Variants in HDLBP observed in about 807,000 individuals in gnomAD.
HDLBP encodes the protein vigilin.
A neutral mutation model predicts 137.3 loss-of-function variants in HDLBP; 30 were observed. The ratio of observed to expected loss-of-function variants is 0.22; its 90% CI spans 0.16 to 0.30. HDLBP has a LOEUF of 0.30. HDLBP is among the 10% of genes least tolerant of loss of function. The probability of loss-of-function intolerance (pLI) is 1.00; values close to 1 mark genes in which losing one functional copy is unlikely to be tolerated. For missense variants in HDLBP, 1,119 were observed against 1,667.3 expected (o/e 0.67, Z 5.73); for synonymous variants, 606 against 596.0 (o/e 1.02, Z -0.24).
intron 1 of HDLBP, among the ~76,000 whole-genome samples, chr2:241,293,490 TAG>T (rs1251015888): frequency 6.6e-6 from 1 of 151,650 alleles, no homozygotes; most frequent in Non-Finnish European, 1.5e-5. Context: ...CACGTGCCTG[TAG>T]TCCCAGCTAC....
At chr2:241,264,151 C>A (rs530477171) in intron 4 of HDLBP, among the ~76,000 whole-genome samples, 1 of 151,974 alleles carries the variant, frequency 6.6e-6, no homozygotes, top group East Asian at 1.9e-4. Context: ...ATCACGAGGT[C>A]AGGAGATGGA....
At chr2:241,271,606 A>G (rs1186314244) in intron 1 of HDLBP, among the ~76,000 whole-genome samples, 1 of 152,222 alleles carries the variant, frequency 6.6e-6, no homozygotes, top group Non-Finnish European at 1.5e-5. Flanking sequence ...CCAACTACAT[A>G]TTCAAGGGGC....
At chr2:241,250,779 G>A (rs2072076895) in intron 11 of HDLBP, 1 of 152,392 alleles carries the variant, frequency 6.6e-6, no homozygotes, top group East Asian at 1.9e-4. Context: ...TGTGCCAGGT[G>A]AAGCAACACA....
At chr2:241,270,848 C>A in intron 1 of HDLBP, 1 of 432,966 alleles carries the variant, frequency 2.3e-6, no homozygotes, top group Non-Finnish European at 3.1e-6. Context: ...ATACCTTGGG[C>A]AGGCCTAGAT....
At chr2:241,299,910 G>A (rs370009965) in intron 1 of HDLBP, among the ~76,000 whole-genome samples, 9 of 84,938 alleles carry the variant, frequency 1.1e-4, no homozygotes, top group East Asian at 6.7e-4. Context: ...GCGAGATTCC[G>A]TCTCAAACAA....
chr2:241,291,680 T>C (rs993359362), intron 1 of HDLBP, among the ~76,000 whole-genome samples: 1 of 152,230 alleles, frequency 6.6e-6, no homozygotes. Flanking sequence ...AATTGTCAGC[T>C]GTAGGCTGAA....
chr2:241,277,877 C>T (rs993092697), intron 1 of HDLBP, among the ~76,000 whole-genome samples: 2 of 152,110 alleles, frequency 1.3e-5, no homozygotes, highest in Admixed American at 1.3e-4. Flanking sequence ...AGGAGAATCG[C>T]TTGTACCTGG....
intron 1 of HDLBP, among the ~76,000 whole-genome samples, chr2:241,307,404 C>T (rs745808399): frequency 7.2e-5 from 11 of 152,232 alleles, no homozygotes; most frequent in Non-Finnish European, 1.5e-4. Context: ...CTCTGGGATA[C>T]AGCTAAGCCT....
Position 241,264,129 on chromosome 2 carries a change from C to T in HDLBP, c.234+319G>A, listed in dbSNP as rs529627141. 2.6e-5 allele frequency among the ~76,000 whole-genome samples: 4 copies of T among 151,606 alleles called. No individual in the cohort carries two copies. In the East Asian group the frequency reaches 7.8e-4, roughly 29 times the overall value. ...CTATAATCCCAGCACTTTGGGAGGC[C>T]GAGGAAGGCGGATCACGAGGTCAGG... is the stretch of plus-strand genomic sequence containing the variant. On this transcript the variant is annotated intron_variant, in intron 4 of 27. Transcript: ENST00000310931.
intron 1 of HDLBP, among the ~76,000 whole-genome samples, chr2:241,287,401 C>T (rs2074856520): frequency 6.6e-6 from 1 of 151,220 alleles, no homozygotes; most frequent in Non-Finnish European, 1.5e-5. Flanking sequence ...GCCACCGCGC[C>T]CGGCCTATTT....
chr2:241,255,304 G>T (rs935901484), intron 8 of HDLBP, 70 bp downstream of exon 8: 28 of 1,471,490 alleles, frequency 1.9e-5, no homozygotes, highest in Non-Finnish European at 9.5e-6. Flanking sequence ...TTTACAAATC[G>T]AGAGCTCATC....
chr2:241,233,802 T>G lies in HDLBP; in HGVS notation c.3288+18A>C, dbSNP rs2070080775. ...ACAAGCACCTCTGCCCCCGACACGC[T>G]CCAACCGAGGCTCTCACCTGGTTCC... On this transcript the variant is annotated intron_variant, in intron 24 of 27. Transcript: ENST00000310931. This position sits in a 1 kb window ranked among gnomAD's most constrained non-coding sequence, Gnocchi z 4.3. 6.2e-7 allele frequency: 1 copy of G among 1,613,924 alleles called. No individual in the cohort carries two copies. Among genetic ancestry groups the G allele is most frequent in the Admixed American group, 1.7e-5 (1 of 60,014 alleles).
intron 1 of HDLBP, chr2:241,273,002 G>A: frequency 1.0e-6 from 1 of 985,088 alleles, no homozygotes; most frequent in Non-Finnish European, 1.2e-6. Flanking sequence ...TTCGGGTGGG[G>A]AAGGCGGTGC....
chr2:241,265,618 A>G (rs1350622858), intron 3 of HDLBP, among the ~76,000 whole-genome samples: 1 of 152,210 alleles, frequency 6.6e-6, no homozygotes, highest in African/African-American at 2.4e-5. Flanking sequence ...GGATAACCCA[A>G]ATCCCCAGGA....
intron 5 of HDLBP, among the ~76,000 whole-genome samples, chr2:241,261,039 C>A (rs1480410639): frequency 1.3e-5 from 2 of 149,792 alleles, no homozygotes. Flanking sequence ...AAAAAACAAA[C>A]AAAAAAAAAG....
intron 5 of HDLBP, among the ~76,000 whole-genome samples, chr2:241,259,666 G>A (rs867466362): frequency 6.6e-6 from 1 of 152,056 alleles, no homozygotes; most frequent in Non-Finnish European, 1.5e-5. Context: ...GTAGAGATGG[G>A]GTCTGACCAT....
At chr2:241,249,729 G>C (rs2071970455) in intron 12 of HDLBP, 112 bp downstream of exon 12, 1 of 1,065,776 alleles carries the variant, frequency 9.4e-7, no homozygotes, top group South Asian at 1.6e-5. Context: ...TGCAACGTGG[G>C]ATTTGTCGAC....
intron 1 of HDLBP, chr2:241,273,243 T>C: frequency 4.1e-6 from 4 of 985,382 alleles, no homozygotes; most frequent in Non-Finnish European, 4.8e-6. Flanking sequence ...GCAGTGAGGC[T>C]CCCAGGCGGC....
chr2:241,272,246 G>A lies in HDLBP; in HGVS notation c.-102-3705C>T, dbSNP rs2074118976. 3 of 960,520 alleles carry A rather than the reference G, an allele frequency of 3.1e-6. No homozygotes were observed. Among genetic ancestry groups the A allele is most frequent in the Non-Finnish European group, 3.7e-6 (3 of 807,782 alleles). The allele number at this position is 960,520 out of a possible 1,614,324, so 59.5% of individuals were successfully genotyped here. On this transcript the variant is annotated intron_variant, in intron 1 of 27. Transcript: ENST00000310931. This position sits in a 1 kb window ranked among gnomAD's most constrained non-coding sequence, Gnocchi z 5.6. ...CGGTCTGCGCCCAGACCCCCGCCCC[G>A]CCGCCACCTGGGGGGAAGGACCCCG...
Sources: allele counts gnomAD v4.1 joint callset (sites outside exome capture counted in the v4.1 genomes callset), GRCh38; gene constraint gnomAD v4.1.1; non-coding constraint Gnocchi (gnomAD v3.1); transcripts MANE v1.5; gene names NCBI Gene and HGNC (gene_info 2026-07-23, HGNC 2026-07-21).